Variants in NFAM1 observed in about 807,000 individuals in gnomAD.
The protein encoded by NFAM1 is NFAT activating protein with ITAM motif 1, also known as NFAT activation molecule 1.
Under a neutral mutation model 29.0 loss-of-function variants are expected in NFAM1, and 17 were observed. The ratio of observed to expected loss-of-function variants is 0.59; its 90% CI spans 0.40 to 0.88. The LOEUF is 0.88. Among genes scored for constraint, NFAM1 ranks in the 40% least tolerant of loss-of-function variants. NFAM1 has a pLI of 0.00. For missense variants in NFAM1, 324 were observed against 344.6 expected (o/e 0.94, Z 0.47); for synonymous variants, 175 against 147.2 (o/e 1.19, Z -1.36).
upstream of NFAM1, among the ~76,000 whole-genome samples, chr22:42,434,164 G>A (rs1345929815): frequency 6.6e-6 from 1 of 152,176 alleles, no homozygotes; most frequent in East Asian, 1.9e-4. Context: ...GGTCTAGCCT[G>A]CTGCACACCT....
Position 42,388,459 on chromosome 22 carries a change from T to C in NFAM1, c.664-1381A>G, listed in dbSNP as rs934117297. ...AGACCAGACCCTCCCTCAGAACCTG[T>C]TGGACTCCGGAGCAGAGCCCACCAA... On this transcript the variant is annotated intron_variant, in intron 4 of 5. Coordinates refer to ENST00000329021, the MANE Select transcript of NFAM1 (RefSeq NM_145912.8). This position sits in a 1 kb window ranked among gnomAD's most constrained non-coding sequence, Gnocchi z 4.1. Among the ~76,000 whole-genome samples, 3 of 152,156 alleles carry C rather than the reference T, an allele frequency of 2.0e-5. No individual in the cohort carries two copies. The highest frequency in any genetic ancestry group is 4.4e-5 in the Non-Finnish European group (3 of 68,016).
upstream of NFAM1, among the ~76,000 whole-genome samples, chr22:42,435,273 C>G (rs9623595): frequency 6.6e-6 from 1 of 152,112 alleles, no homozygotes; most frequent in Non-Finnish European, 1.5e-5. Context: ...TCCCCAGGGG[C>G]CTCCTCGACA....
chr22:42,401,712 A>G (rs1203340694), intron 3 of NFAM1, among the ~76,000 whole-genome samples: 2 of 151,630 alleles, frequency 1.3e-5, no homozygotes, highest in Admixed American at 6.6e-5. Context: ...GCTTCTCCCA[A>G]CACGCCCAGC....
At chr22:42,420,714 C>T (rs928484666) in intron 1 of NFAM1, among the ~76,000 whole-genome samples, 15 of 146,910 alleles carry the variant, frequency 1.0e-4, no homozygotes, top group African/African-American at 3.5e-4. Context: ...TGCAGTGAGC[C>T]GAGATCACGC....
At chr22:42,431,639 G>A (rs1272106755) in intron 1 of NFAM1, among the ~76,000 whole-genome samples, 2 of 152,198 alleles carry the variant, frequency 1.3e-5, no homozygotes, top group East Asian at 1.9e-4. Context: ...AAGGAGCGCC[G>A]CTGGCGTGGA....
At chr22:42,387,390 C>A (rs1929187033) in intron 4 of NFAM1, among the ~76,000 whole-genome samples, 1 of 152,070 alleles carries the variant, frequency 6.6e-6, no homozygotes, top group South Asian at 2.1e-4. Flanking sequence ...AGGGCCAGGC[C>A]TCCTCCTGCT....
chr22:42,427,106 C>T (rs1052554280), intron 1 of NFAM1, among the ~76,000 whole-genome samples: 6 of 151,244 alleles, frequency 4.0e-5, no homozygotes, highest in African/African-American at 1.5e-4. Flanking sequence ...TGTCCATACC[C>T]CTCCCCTCCC....
chr22:42,421,375 G>T (rs149039353), intron 1 of NFAM1, among the ~76,000 whole-genome samples: 1 of 151,096 alleles, frequency 6.6e-6, no homozygotes, highest in African/African-American at 2.4e-5. Context: ...AACCTGGGAG[G>T]CAGAGGTTGC....
At chr22:42,411,345 C>T (rs2072863) in intron 2 of NFAM1, 62 bp downstream of exon 2, 364,735 of 1,336,302 alleles carry the variant, frequency 0.27, 52,354 homozygotes, top group South Asian at 0.45. Flanking sequence ...ATCCAAAGTC[C>T]CAAACTGCCA....
rs1020408715 is a variant in NFAM1 at position 42,409,375 on chromosome 22, C to T, written c.564+60G>A. 1.7e-4 allele frequency: 160 copies of T among 926,030 alleles called. No individual in the cohort carries two copies. The highest frequency in any genetic ancestry group is 1.5e-4 in the Non-Finnish European group (94 of 632,612). The allele number at this position is 926,030 out of a possible 1,614,324, so 57.4% of individuals were successfully genotyped here. A position where few individuals can be genotyped will look rare whatever the true frequency, so the allele number is the denominator to read the frequency against. ...CACCAAACGCCCTGCAGAGGGCAGG[C>T]GGGCAGCCGGTGGCGTGTCGGGTGG... On this transcript the variant is annotated intron_variant, in intron 3 of 5. Coordinates refer to ENST00000329021, the MANE Select transcript of NFAM1 (RefSeq NM_145912.8). The surrounding 1 kb of genome is among the most constrained non-coding windows in gnomAD (Gnocchi z 4.9).
At chr22:42,406,153 G>A (rs7291984) in intron 3 of NFAM1, among the ~76,000 whole-genome samples, 15 of 37,668 alleles carry the variant, frequency 4.0e-4, no homozygotes, top group Middle Eastern at 0.016. Context: ...CGGGGCAGGC[G>A]CAGATCCAAA....
In NFAM1 at chr22:42,382,547, A is replaced by C. The variant is rs953704960; in HGVS notation, c.*2614T>G. 2 of 152,168 alleles carry C rather than the reference A, an allele frequency of 1.3e-5. No homozygotes were observed. Among genetic ancestry groups the C allele is most frequent in the Non-Finnish European group, 2.9e-5 (2 of 68,070 alleles). 9.4% of individuals were successfully genotyped at this position (152,168 alleles called of 1,614,324 possible). The stretch of plus-strand genomic sequence containing the variant: ...ATAGTGGAAAGCAAGCCTGCACCCC[A>C]GGAGCTCCCATTCATACCCTCTCTG... On this transcript the variant is annotated 3_prime_UTR_variant, in exon 6 of 6. Transcript: ENST00000329021.
chr22:42,407,154 T>G (rs1929928501), intron 3 of NFAM1, among the ~76,000 whole-genome samples: 1 of 149,216 alleles, frequency 6.7e-6, no homozygotes, highest in Admixed American at 6.8e-5. Context: ...CCATCTCAAC[T>G]CACTAAAATC....
intron 1 of NFAM1, 121 bp downstream of exon 1, chr22:42,432,116 A>T: frequency 1.1e-6 from 1 of 919,464 alleles, no homozygotes; most frequent in Non-Finnish European, 1.7e-6. Flanking sequence ...TGCAGCGTTC[A>T]AACGACAACC....
At chr22:42,431,971 A>G (rs1369233763) in intron 1 of NFAM1, among the ~76,000 whole-genome samples, 1 of 149,530 alleles carries the variant, frequency 6.7e-6, no homozygotes, top group African/African-American at 2.4e-5. Context: ...TTTAAGGGCC[A>G]GGAGGCCAGA....
chr22:42,387,041 A>T lies in NFAM1; in HGVS notation c.701T>A (p.Ile234Asn). The T allele has an allele frequency of 6.3e-7, 1 of 1,587,150 alleles. No homozygotes were observed. The highest frequency in any genetic ancestry group is 8.6e-7 in the Non-Finnish European group (1 of 1,167,540). ...QRRETEVYAC[I>N]ENEDGSSPTA... is the part of the protein sequence containing the mutation. ...GGGTGAGCTGCCATCCTCATTCTCGATGCAGGCATAGACCTCGGTCTCGCG... is the reference window on the plus strand; with the variant it reads ...GGGTGAGCTGCCATCCTCATTCTCGTTGCAGGCATAGACCTCGGTCTCGCG... Residue 234 changes from isoleucine to asparagine, a missense_variant, in exon 5 of 6, where the codon ATC becomes AAC. Ile to Asn is a moderately radical substitution (Grantham distance 149, BLOSUM62 -3). Coordinates refer to ENST00000329021, the MANE Select transcript of NFAM1 (RefSeq NM_145912.8).
intron 1 of NFAM1, among the ~76,000 whole-genome samples, chr22:42,415,794 T>C (rs1930243092): frequency 6.6e-6 from 1 of 152,190 alleles, no homozygotes; most frequent in African/African-American, 2.4e-5. Context: ...TTCACGGTCA[T>C]TTCCAAGTCC....
chr22:42,415,455 A>G (rs890493018), intron 1 of NFAM1, among the ~76,000 whole-genome samples: 1 of 151,760 alleles, frequency 6.6e-6, no homozygotes, highest in Non-Finnish European at 1.5e-5. Flanking sequence ...ACCCGCCACC[A>G]TGCCTGGCTA....
intron 3 of NFAM1, among the ~76,000 whole-genome samples, chr22:42,407,911 T>G (rs2147105577): frequency 6.7e-6 from 1 of 149,690 alleles, no homozygotes; most frequent in African/African-American, 2.5e-5. Context: ...CTCTTTTTTT[T>G]TTTTTTTTTT....
Sources: gnomAD v4.1 joint callset for allele counts (sites outside exome capture counted in the v4.1 genomes callset) on GRCh38, gnomAD v4.1.1 for gene constraint, Gnocchi (gnomAD v3.1) non-coding constraint, MANE v1.5 for transcripts, NCBI Gene and HGNC (gene_info 2026-07-23, HGNC 2026-07-21) for gene names.